CDH13: variants seen among roughly 807,000 people sequenced by gnomAD.
CDH13 encodes the protein cadherin 13.
CDH13 carries 24 observed loss-of-function variants against 63.8 expected under a neutral mutation model. That is an observed-to-expected ratio of 0.38 (90% CI 0.27 to 0.53). The LOEUF (loss-of-function observed/expected upper bound fraction) is 0.53, where lower values mean the gene tolerates loss of function less well. Among genes scored for constraint, CDH13 ranks in the 20% least tolerant of loss-of-function variants. The pLI is 0.85. For missense variants in CDH13, 1,049 were observed against 903.1 expected, an observed-to-expected ratio of 1.16 and a Z score of -2.07; for synonymous variants, 503 against 355.3, an observed-to-expected ratio of 1.42 and a Z score of -4.67.
intron 4 of CDH13, among the ~76,000 whole-genome samples, chr16:83,142,546 C>T (rs1181777379): frequency 1.3e-5 from 2 of 152,126 alleles, no homozygotes; most frequent in Non-Finnish European, 1.5e-5. Flanking sequence ...TCCTCAATTC[C>T]CCAAACTGAA....
intron 7 of CDH13, among the ~76,000 whole-genome samples, chr16:83,583,635 T>C (rs963916780): frequency 2.0e-5 from 3 of 152,136 alleles, no homozygotes; most frequent in Non-Finnish European, 4.4e-5. Context: ...GAGTGTGATT[T>C]GGTGGCTCAC....
intron 4 of CDH13, among the ~76,000 whole-genome samples, chr16:83,188,958 C>A (rs936230637): frequency 6.6e-6 from 1 of 152,110 alleles, no homozygotes; most frequent in African/African-American, 2.4e-5. Flanking sequence ...CTGTTTTTAA[C>A]TTTAGCTGTG....
chr16:83,269,018 C>G (rs143087784), intron 5 of CDH13, among the ~76,000 whole-genome samples: 1 of 152,184 alleles, frequency 6.6e-6, no homozygotes, highest in Non-Finnish European at 1.5e-5. Flanking sequence ...TCAGCCTTAG[C>G]TTCAGCAATC....
intron 6 of CDH13, among the ~76,000 whole-genome samples, chr16:83,445,312 G>A (rs1416256597): frequency 2.1e-5 from 2 of 97,528 alleles, no homozygotes; most frequent in Non-Finnish European, 5.6e-5. Flanking sequence ...TAAAAGGTTT[G>A]CATCATTTTC....
intron 3 of CDH13, among the ~76,000 whole-genome samples, chr16:83,100,360 C>T (rs76271351): frequency 0.015 from 2,253 of 152,042 alleles, 51 homozygotes; most frequent in African/African-American, 0.051. Flanking sequence ...TTTTGGATAC[C>T]GAGGTCAAAT....
chr16:83,733,444 G>A (rs1911234689), intron 10 of CDH13, among the ~76,000 whole-genome samples: 1 of 152,164 alleles, frequency 6.6e-6, no homozygotes, highest in Non-Finnish European at 1.5e-5. Context: ...CCACTGGAGA[G>A]GGAGGTCCCG....
At chr16:82,816,981 A>G (rs1047953758) in intron 1 of CDH13, among the ~76,000 whole-genome samples, 1 of 152,120 alleles carries the variant, frequency 6.6e-6, no homozygotes, top group South Asian at 2.1e-4. Flanking sequence ...GACTTTTTAC[A>G]GGGTCTCCCT....
chr16:82,713,323 C>T (rs1424169394), intron 1 of CDH13, among the ~76,000 whole-genome samples: 1 of 152,076 alleles, frequency 6.6e-6, no homozygotes, highest in East Asian at 1.9e-4. Context: ...ATCTAAGAAC[C>T]ACTGCGCTCA....
chr16:83,281,829 C>G (rs1375692323), intron 5 of CDH13, among the ~76,000 whole-genome samples: 1 of 151,966 alleles, frequency 6.6e-6, no homozygotes, highest in African/African-American at 2.4e-5. Flanking sequence ...AGGAGAATTG[C>G]TTGAACCCAA....
chr16:82,767,097 C>G (rs775938675), intron 1 of CDH13, among the ~76,000 whole-genome samples: 2 of 152,326 alleles, frequency 1.3e-5, no homozygotes, highest in Middle Eastern at 3.4e-3. Context: ...CTAAATACTT[C>G]AGCATGCATA....
rs1908997762 is a variant in CDH13 at position 83,613,132 on chromosome 16, C to T, written c.1101+10538C>T. Among the ~76,000 whole-genome samples the T allele has an allele frequency of 2.0e-5, 3 of 152,182 alleles. No individual in the cohort carries two copies. In the South Asian group the frequency reaches 6.2e-4, roughly 32 times the overall value. On this transcript the variant is annotated intron_variant, in intron 8 of 13. Transcript: ENST00000567109. ...ATAACATTTCATTGTCTTCTGACATCTATCATGTTTGTCAAAAGGTCAGCT... is the reference window on the plus strand; with the variant it reads ...ATAACATTTCATTGTCTTCTGACATTTATCATGTTTGTCAAAAGGTCAGCT...
At chr16:83,789,588 A>C (rs1231675925) in intron 13 of CDH13, among the ~76,000 whole-genome samples, 1 of 152,004 alleles carries the variant, frequency 6.6e-6, no homozygotes, top group Non-Finnish European at 1.5e-5. Flanking sequence ...ACCTCAAGTG[A>C]TCCACCCACC....
At chr16:83,126,607 C>T (rs187915627) in intron 4 of CDH13, among the ~76,000 whole-genome samples, 3 of 152,052 alleles carry the variant, frequency 2.0e-5, no homozygotes, top group Non-Finnish European at 4.4e-5. Context: ...GTTTATAGAG[C>T]AGGTAGCTTA....
intron 2 of CDH13, among the ~76,000 whole-genome samples, chr16:82,930,684 A>G (rs1286657786): frequency 2.6e-5 from 4 of 152,200 alleles, no homozygotes; most frequent in African/African-American, 7.2e-5. Flanking sequence ...GACTCTGAGT[A>G]GTTATGCCCT....
intron 1 of CDH13, among the ~76,000 whole-genome samples, chr16:82,833,259 G>A (rs1269518920): frequency 6.6e-6 from 1 of 152,208 alleles, no homozygotes; most frequent in African/African-American, 2.4e-5. Context: ...ACTGTGTGCT[G>A]AGGACATTAA....
At chr16:82,719,672 C>A (rs2032631275) in intron 1 of CDH13, among the ~76,000 whole-genome samples, 1 of 151,806 alleles carries the variant, frequency 6.6e-6, no homozygotes. Context: ...GTGGTGAAAC[C>A]CCGTCTCTAC....
At chr16:83,532,434 G>A (rs781062680) in intron 7 of CDH13, among the ~76,000 whole-genome samples, 4 of 152,194 alleles carry the variant, frequency 2.6e-5, no homozygotes, top group Non-Finnish European at 2.9e-5. Flanking sequence ...GAACATGGGA[G>A]TCCCTTAATA....
intron 10 of CDH13, among the ~76,000 whole-genome samples, chr16:83,739,381 C>A (rs1210586066): frequency 2.6e-5 from 4 of 152,206 alleles, no homozygotes; most frequent in Admixed American, 2.0e-4. Flanking sequence ...GGAGCAGACT[C>A]CTGCAAGCTG....
At chr16:83,405,019 T>G (rs904555887) in intron 6 of CDH13, among the ~76,000 whole-genome samples, 1 of 151,886 alleles carries the variant, frequency 6.6e-6, no homozygotes, top group African/African-American at 2.4e-5. Context: ...AACATTTTTT[T>G]AGCAAAATAA....
Sources: gnomAD v4.1 joint callset for allele counts (sites outside exome capture counted in the v4.1 genomes callset) on GRCh38, gnomAD v4.1.1 for gene constraint, MANE v1.5 for transcripts, NCBI Gene and HGNC (gene_info 2026-07-23, HGNC 2026-07-21) for gene names.